SNX29: variants seen among roughly 807,000 people sequenced by gnomAD.
SNX29 encodes sorting nexin-29.
In SNX29, 78 loss-of-function variants were observed where a neutral mutation model predicts 102.1. The ratio of observed to expected loss-of-function variants is 0.76; its 90% CI spans 0.64 to 0.92. The LOEUF (loss-of-function observed/expected upper bound fraction) is 0.92, where lower values mean the gene tolerates loss of function less well. Ranked by LOEUF, SNX29 falls within the 40% of genes least tolerant of loss-of-function variation. The probability of loss-of-function intolerance (pLI) is 0.00; values close to 1 mark genes in which losing one functional copy is unlikely to be tolerated. For synonymous variants in SNX29, 580 were observed against 414.5 expected (o/e 1.40, Z -4.85); for missense variants, 1,280 against 1,061.7 (o/e 1.21, Z -2.86).
intron 14 of SNX29, among the ~76,000 whole-genome samples, chr16:12,255,758 G>A (rs991454176): frequency 5.9e-5 from 9 of 152,174 alleles, no homozygotes; most frequent in South Asian, 2.1e-4. Context: ...TATACGTCAC[G>A]TTTTGTTTAT....
intron 6 of SNX29, among the ~76,000 whole-genome samples, chr16:12,046,907 C>A (rs1443482806): frequency 1.3e-5 from 2 of 152,184 alleles, no homozygotes; most frequent in Admixed American, 6.5e-5. Context: ...GTGTGAGCCA[C>A]CGTGCCCGAC....
At chr16:12,460,502 C>CA (rs1413316378) in intron 18 of SNX29, among the ~76,000 whole-genome samples, 1 of 152,162 alleles carries the variant, frequency 6.6e-6, no homozygotes, top group Non-Finnish European at 1.5e-5. Context: ...AGCTCCTCTT[C>CA]ATCCTTCAAG....
intron 11 of SNX29, among the ~76,000 whole-genome samples, chr16:12,085,239 C>T (rs943653415): frequency 6.6e-6 from 1 of 152,194 alleles, no homozygotes; most frequent in African/African-American, 2.4e-5. Flanking sequence ...AAGCAAACTT[C>T]TGGAATGCTA....
intron 20 of SNX29, chr16:12,546,323 AAAG>A (rs1316927625): frequency 3.9e-5 from 6 of 152,242 alleles, no homozygotes; most frequent in African/African-American, 9.7e-5. Flanking sequence ...CAATTTACAG[AAAG>A]AAGGTTTAAT....
intron 18 of SNX29, among the ~76,000 whole-genome samples, chr16:12,435,640 A>G (rs367749742): frequency 1.3e-4 from 20 of 152,322 alleles, no homozygotes; most frequent in African/African-American, 4.8e-4. Context: ...TTCCTCCTTG[A>G]TGAGCATAGT....
intron 18 of SNX29, among the ~76,000 whole-genome samples, chr16:12,462,183 C>A (rs762214103): frequency 6.6e-6 from 1 of 151,446 alleles, no homozygotes; most frequent in Non-Finnish European, 1.5e-5. Flanking sequence ...AGCGAGCTCT[C>A]AGTCCTGGCC....
At chr16:12,531,919 C>G (rs1244973257) in intron 20 of SNX29, among the ~76,000 whole-genome samples, 3 of 152,190 alleles carry the variant, frequency 2.0e-5, no homozygotes, top group African/African-American at 4.8e-5. Flanking sequence ...ACAAGAAAAA[C>G]CAGTCAAGAG....
intron 11 of SNX29, among the ~76,000 whole-genome samples, chr16:12,109,363 G>A (rs941462583): frequency 6.6e-6 from 1 of 151,922 alleles, no homozygotes; most frequent in East Asian, 1.9e-4. Flanking sequence ...GCCCACTCCC[G>A]TGGTACCCCA....
At chr16:12,553,979 C>G (rs941153448) in intron 20 of SNX29, among the ~76,000 whole-genome samples, 6 of 152,110 alleles carry the variant, frequency 3.9e-5, no homozygotes, top group African/African-American at 1.4e-4. Flanking sequence ...AGGCATCCAC[C>G]ACATTTGGCT....
intron 18 of SNX29, among the ~76,000 whole-genome samples, chr16:12,446,315 C>G (rs888311097): frequency 9.8e-5 from 15 of 152,350 alleles, no homozygotes; most frequent in Non-Finnish European, 1.5e-5. Flanking sequence ...CTTGGCCTCC[C>G]AAAGTGCTGG....
intron 13 of SNX29, among the ~76,000 whole-genome samples, chr16:12,162,334 A>C (rs904837395): frequency 2.6e-5 from 4 of 152,170 alleles, no homozygotes; most frequent in Non-Finnish European, 5.9e-5. Context: ...TGAAATGATC[A>C]ATACTTGGTT....
chr16:12,481,547 CACA>C (rs1567608702), intron 19 of SNX29, among the ~76,000 whole-genome samples: 30 of 131,226 alleles, frequency 2.3e-4, no homozygotes, highest in African/African-American at 7.2e-4. Flanking sequence ...CACACACACA[CACA>C]CACACCCCAA....
At chr16:12,404,982 G>A (rs1473170578) in intron 18 of SNX29, among the ~76,000 whole-genome samples, 1 of 152,204 alleles carries the variant, frequency 6.6e-6, no homozygotes, top group Non-Finnish European at 1.5e-5. Flanking sequence ...AACAGTCATA[G>A]GAGAATCTTG....
chr16:12,534,191 G>C (rs2077007150), intron 20 of SNX29, among the ~76,000 whole-genome samples: 1 of 152,244 alleles, frequency 6.6e-6, no homozygotes. Flanking sequence ...CTTCATAAGA[G>C]TGTGGGCTCC....
chr16:12,048,361 T>C lies in SNX29; in HGVS notation c.500-11T>C. 1 of 1,613,872 alleles carries C rather than the reference T, an allele frequency of 6.2e-7. No homozygotes were observed. The highest frequency in any genetic ancestry group is 1.1e-5 in the South Asian group (1 of 91,046). On this transcript the variant is annotated splice_polypyrimidine_tract_variant and intron_variant, in intron 6 of 20. Transcript: ENST00000566228. The stretch of plus-strand genomic sequence containing the variant: ...AGCAAGCACTCCAGACTTTTCCCTT[T>C]TTTTGGGCAGGTCTGAACTCCATAC...
At chr16:12,241,969 C>T (rs549283754) in intron 14 of SNX29, among the ~76,000 whole-genome samples, 1 of 152,132 alleles carries the variant, frequency 6.6e-6, no homozygotes, top group Non-Finnish European at 1.5e-5. Context: ...TGCGCCGACT[C>T]CAGCATGCTC....
intron 13 of SNX29, among the ~76,000 whole-genome samples, chr16:12,198,524 A>G (rs2076835268): frequency 1.3e-5 from 2 of 152,190 alleles, no homozygotes; most frequent in South Asian, 4.1e-4. Context: ...AAGAAAAAAT[A>G]TTCTAGCACA....
chr16:12,284,305 C>G (rs1024754781), intron 15 of SNX29, among the ~76,000 whole-genome samples: 1 of 152,276 alleles, frequency 6.6e-6, no homozygotes, highest in African/African-American at 2.4e-5. Flanking sequence ...GCCTCAAGTT[C>G]TCTGTTAGTG....
intron 20 of SNX29, among the ~76,000 whole-genome samples, chr16:12,547,140 G>C (rs556545047): frequency 6.6e-6 from 1 of 152,238 alleles, no homozygotes; most frequent in African/African-American, 2.4e-5. Context: ...CATCACAGAG[G>C]GAAAGAAGCC....
Sources: gnomAD v4.1 joint callset for allele counts (sites outside exome capture counted in the v4.1 genomes callset) on GRCh38, gnomAD v4.1.1 for gene constraint, MANE v1.5 for transcripts, NCBI Gene and HGNC (gene_info 2026-07-23, HGNC 2026-07-21) for gene names.